Variants in TECTA observed in about 807,000 individuals in gnomAD.
The protein encoded by TECTA is alpha-tectorin.
Under a neutral mutation model 216.8 loss-of-function variants are expected in TECTA, and 128 were observed. The observed-to-expected ratio is 0.59, with a 90% confidence interval of 0.51 to 0.68. TECTA has a LOEUF of 0.68. TECTA is among the 30% of genes least tolerant of loss of function. The pLI, the probability that TECTA is intolerant of heterozygous loss-of-function variation, is 0.00. For missense variants in TECTA, 2,551 were observed against 2,786.2 expected (o/e 0.92, Z 1.90); for synonymous variants, 1,089 against 1,117.1 (o/e 0.97, Z 0.50).
In TECTA at chr11:121,113,733, C is replaced by T. The variant is rs1946468495; in HGVS notation, c.790+15C>T. The T allele has an allele frequency of 6.2e-7, 1 of 1,612,682 alleles. No homozygotes were observed. Among genetic ancestry groups the T allele is most frequent in the Non-Finnish European group, 8.5e-7 (1 of 1,179,884 alleles). ...CACCTCAAGGGGTAAAGCTTTTCCT[C>T]TGTCTGTGGCAAGGCAGGGTTTGTT... On this transcript the variant is annotated intron_variant, in intron 6 of 23. Coordinates refer to ENST00000392793, the MANE Select transcript of TECTA (RefSeq NM_005422.4). This position sits in a 1 kb window ranked among gnomAD's most constrained non-coding sequence, Gnocchi z 4.2.
chr11:121,109,340 G>A lies in TECTA; in HGVS notation c.328G>A (p.Glu110Lys), dbSNP rs755609982. ...AGATGTGCACAATGGAATTCGAGGC[G>A]AGATCTATTACAGAGAGACCATGGA... Reference protein sequence around the residue: ...WADVHNGIRGEIYYRETMEPA... With the variant: ...WADVHNGIRGKIYYRETMEPA... The change falls in exon 4 of 24, where the codon GAG becomes AAG. Residue 110 changes from glutamate to lysine, a missense_variant. Physicochemically the swap from Glu to Lys is moderately conservative, Grantham distance 56 (BLOSUM62 1). This residue lies in a region of TECTA where 2,375 missense variants were observed against 2,563.9 expected (regional missense o/e 0.93). Transcript: ENST00000392793. The A allele has an allele frequency of 8.1e-6, 13 of 1,614,118 alleles. No individual in the cohort carries two copies. The highest frequency in any genetic ancestry group is 2.7e-5 in the African/African-American group (2 of 75,020).
Position 121,160,284 on chromosome 11 carries a change from G to C in TECTA, c.4839G>C (p.Arg1613Ser), listed in dbSNP as rs771341880. ...TCATTAAAATCAGCATCAGCGAGAG[G>C]CTGCAGAACAAAGTGTGCGGTCTCT... is the stretch of plus-strand genomic sequence containing the variant. ...FNVIKISISE[R>S]LQNKVCGLCG... Residue 1613 changes from arginine to serine, a missense_variant, in exon 15 of 24, where the codon AGG becomes AGC. Transcript: ENST00000392793. 2 of 1,614,206 alleles carry C rather than the reference G, an allele frequency of 1.2e-6. No individual in the cohort carries two copies. Among genetic ancestry groups the C allele is most frequent in the Non-Finnish European group, 1.7e-6 (2 of 1,180,036 alleles).
rs955887525 is a variant in TECTA, at chr11:121,190,639, T to A, written c.6368-67T>A. 6 of 1,227,214 alleles carry A rather than the reference T, an allele frequency of 4.9e-6. No homozygotes were observed. In the African/African-American group the frequency reaches 8.9e-5, roughly 18 times the overall value. 76.0% of individuals were successfully genotyped at this position (1,227,214 alleles called of 1,614,324 possible). ...TTTCTTTAGCTGAGTGCTGCAAAGA[T>A]GTCTGATCCCTATCAAACAGGTATT... On this transcript the variant is annotated intron_variant, in intron 23 of 23. Coordinates refer to ENST00000392793, the MANE Select transcript of TECTA (RefSeq NM_005422.4).
At chr11:121,111,840 G>A (rs571370340) in intron 4 of TECTA, among the ~76,000 whole-genome samples, 1 of 152,304 alleles carries the variant, frequency 6.6e-6, no homozygotes, top group East Asian at 1.9e-4. Flanking sequence ...GCGTTTACCT[G>A]AGCAAGTCTA....
chr11:121,158,016 T>C lies in TECTA; in HGVS notation c.4481T>C (p.Val1494Ala), dbSNP rs200544452. The change falls in exon 14 of 24, where the codon GTC (valine) becomes GCC (alanine). Residue 1494 changes from valine (V) to alanine (A), a missense_variant. Around this residue, in one of 3 missense-constraint regions of TECTA, gnomAD observed 2,375 missense variants for 2,563.9 expected, o/e 0.93. Transcript: ENST00000392793. ...TACTGCCTGGCGGCCGGCGGCGGCG[T>C]CTTCCGCACCTTCGACGGCGCCTTC... ...TSYCLAAGGGVFRTFDGAFLR... is the reference protein window; with the variant it reads ...TSYCLAAGGGAFRTFDGAFLR... 111 of 1,612,796 alleles carry C rather than the reference T, an allele frequency of 6.9e-5. No individual in the cohort carries two copies. Among genetic ancestry groups the C allele is most frequent in the Admixed American group, 3.7e-4 (22 of 59,990 alleles).
At chr11:121,167,408 G>T (rs1337458406) in intron 18 of TECTA, among the ~76,000 whole-genome samples, 2 of 152,098 alleles carry the variant, frequency 1.3e-5, no homozygotes, top group Non-Finnish European at 2.9e-5. Context: ...CTCCATCCTG[G>T]GTGATAGTGA....
Position 121,129,809 on chromosome 11 carries a change from G to A in TECTA, c.2539G>A (p.Gly847Ser). 1 of 1,614,178 alleles carries A rather than the reference G, an allele frequency of 6.2e-7. No individual in the cohort carries two copies. ...LSTTYFNCTG[G>S]LCGFYNANAS... ...CACCACATACTTCAATTGCACAGGG[G>A]GCTTGTGCGGCTTCTACAATGCCAA... Residue 847 changes from glycine to serine, a missense_variant, in exon 10 of 24, where the codon GGC (glycine) becomes AGC (serine). Physicochemically the swap from Gly to Ser is moderately conservative, Grantham distance 56 (BLOSUM62 0). This residue lies in a region of TECTA where 2,375 missense variants were observed against 2,563.9 expected (regional missense o/e 0.93). Transcript: ENST00000392793.
rs1947082090 is a variant in TECTA at position 121,168,790 on chromosome 11, C to G, written c.5864C>G (p.Thr1955Ser). The change falls in exon 20 of 24, where the codon ACT (threonine) becomes AGT (serine). Residue 1955 changes from threonine to serine, a missense_variant. By Grantham distance (58) the Thr-to-Ser change is moderately conservative. This residue lies in a region of TECTA where 2,375 missense variants were observed against 2,563.9 expected (regional missense o/e 0.93). Coordinates refer to ENST00000392793, the MANE Select transcript of TECTA (RefSeq NM_005422.4). ...CGCCAGGGTGAAGTAGTGTTGACGA[C>G]TCGAGATGTGCTGTATGTAGGGGTT... ...PYRQGEVVLT[T>S]RDVLYVGVFV... 1 of 1,614,060 alleles carries G rather than the reference C, an allele frequency of 6.2e-7. No homozygotes were observed. The highest frequency in any genetic ancestry group is 1.7e-5 in the Admixed American group (1 of 60,000).
intron 12 of TECTA, among the ~76,000 whole-genome samples, chr11:121,147,075 C>G (rs926187613): frequency 1.3e-5 from 2 of 152,168 alleles, no homozygotes; most frequent in Middle Eastern, 3.4e-3. Context: ...ATAGGAAAAA[C>G]TTGTGGGGGT....
At chr11:121,118,860 TA>T in intron 7 of TECTA, 142 bp downstream of exon 7, 1 of 1,152,936 alleles carries the variant, frequency 8.7e-7, no homozygotes, top group Admixed American at 2.1e-5. Context: ...GCCTTGCAAA[TA>T]GCTTGTAAAA....
chr11:121,128,668 T>C (rs1302474229), intron 9 of TECTA, among the ~76,000 whole-genome samples: 1 of 152,132 alleles, frequency 6.6e-6, no homozygotes, highest in Non-Finnish European at 1.5e-5. Context: ...TGATCCTCAT[T>C]TTACAGATGA....
Position 121,157,938 on chromosome 11 carries a change from A to T in TECTA, c.4403A>T (p.Glu1468Val). Residue 1468 changes from glutamate (E) to valine (V), a missense_variant, in exon 14 of 24, where the codon GAG (glutamate) becomes GTG (valine). This residue lies in a region of TECTA where 2,375 missense variants were observed against 2,563.9 expected (regional missense o/e 0.93). Coordinates refer to ENST00000392793, the MANE Select transcript of TECTA (RefSeq NM_005422.4). ...QCDPRQCKSD[E>V]ECALRNGVRG... Reference sequence around the variant, plus strand: ...GACCCGCGCCAATGCAAGTCAGACGAGGAGTGTGCGCTGCGCAACGGGGTG... The same window carrying T: ...GACCCGCGCCAATGCAAGTCAGACGTGGAGTGTGCGCTGCGCAACGGGGTG... 6.2e-7 allele frequency: 1 copy of T among 1,614,090 alleles called. No individual in the cohort carries two copies. Among genetic ancestry groups the T allele is most frequent in the South Asian group, 1.1e-5 (1 of 91,086 alleles).
intron 11 of TECTA, among the ~76,000 whole-genome samples, chr11:121,144,619 C>A (rs1046306845): frequency 2.6e-5 from 4 of 152,278 alleles, no homozygotes; most frequent in Admixed American, 1.3e-4. Context: ...GGATTTGGCT[C>A]CTCTGAATCA....
At chr11:121,188,706 C>A (rs1334821057) in intron 21 of TECTA, among the ~76,000 whole-genome samples, 1 of 152,212 alleles carries the variant, frequency 6.6e-6, no homozygotes, top group Non-Finnish European at 1.5e-5. Context: ...TTTGCAGAAT[C>A]AAGATGTGAA....
chr11:121,137,122 G>A (rs913245881), intron 10 of TECTA, among the ~76,000 whole-genome samples: 2 of 152,084 alleles, frequency 1.3e-5, no homozygotes, highest in Non-Finnish European at 2.9e-5. Flanking sequence ...TCACACACAT[G>A]GATACTCACA....
At chr11:121,162,439 C>CT in intron 16 of TECTA, 69 bp downstream of exon 16, 1 of 1,535,120 alleles carries the variant, frequency 6.5e-7, no homozygotes, top group Non-Finnish European at 8.8e-7. Context: ...GGTAGCATTG[C>CT]TTTTTCTAGG....
At chr11:121,165,192 A>C in intron 16 of TECTA, 81 bp from the exon 17 acceptor site, 1 of 1,325,258 alleles carries the variant, frequency 7.5e-7, no homozygotes, top group Non-Finnish European at 1.1e-6. Context: ...TTAAAGTGGC[A>C]AGTCTGGAGT....
chr11:121,101,295 G>A lies in TECTA; in HGVS notation c.-149G>A, dbSNP rs1175337169. On this transcript the variant is annotated 5_prime_UTR_variant, in exon 1 of 24. Transcript: ENST00000392793. ...ACTTAATTTTTGGTTTTAAGAGTACGAGATTCAGACATTATTTCAGGAATC... is the reference window on the plus strand; with the variant it reads ...ACTTAATTTTTGGTTTTAAGAGTACAAGATTCAGACATTATTTCAGGAATC... The A allele has an allele frequency of 2.6e-5, 4 of 152,254 alleles. No individual in the cohort carries two copies. Among genetic ancestry groups the A allele is most frequent in the East Asian group, 3.9e-4 (2 of 5,186 alleles). 9.4% of individuals were successfully genotyped at this position (152,254 alleles called of 1,614,324 possible).
At chr11:121,158,271 G>T in intron 14 of TECTA, 47 bp downstream of exon 14, 1 of 1,603,236 alleles carries the variant, frequency 6.2e-7, no homozygotes. Context: ...GGAAACAAGG[G>T]GTTGGCTAGG....
Sources: gnomAD v4.1 joint callset for allele counts (sites outside exome capture counted in the v4.1 genomes callset) on GRCh38, gnomAD v4.1.1 for gene constraint, gnomAD v4.1.1 regional missense constraint, Gnocchi (gnomAD v3.1) non-coding constraint, MANE v1.5 for transcripts, NCBI Gene and HGNC (gene_info 2026-07-23, HGNC 2026-07-21) for gene names.